The following KIF1A variants were observed in gnomAD, a reference collection of about 807,000 sequenced individuals.
KIF1A encodes kinesin family member 1A.
In KIF1A, 46 loss-of-function variants were observed where a neutral mutation model predicts 227.3. The observed-to-expected ratio is 0.20, with a 90% CI of 0.16 to 0.26. The LOEUF is 0.26. Ranked by LOEUF, KIF1A falls within the 10% of genes least tolerant of loss-of-function variation. The pLI is 1.00. For synonymous variants in KIF1A, 1,022 were observed against 1,012.8 expected, an observed-to-expected ratio of 1.01 and a Z score of -0.17; for missense variants, 1,683 against 2,485.9, an observed-to-expected ratio of 0.68 and a Z score of 6.87.
Position 240,792,682 on chromosome 2 carries a change from C to T in KIF1A, c.107-3370G>A, listed in dbSNP as rs1034903428. On this transcript the variant is annotated intron_variant, in intron 2 of 48. Coordinates refer to ENST00000498729, the MANE Select transcript of KIF1A (RefSeq NM_001244008.2). This position sits in a 1 kb window ranked among gnomAD's most constrained non-coding sequence, Gnocchi z 4.5. ...CTTCCCAACGGAGCCTGCTGTGGGC[C>T]GAGCGTGTCCCCAGATTCATATGCA... 2.0e-5 allele frequency among the ~76,000 whole-genome samples: 3 copies of T among 152,164 alleles called. No homozygotes were observed. The highest frequency in any genetic ancestry group is 2.9e-5 in the Non-Finnish European group (2 of 68,030).
At position 240,758,128 on chromosome 2, in the gene KIF1A, G is replaced by A. The variant is rs1414243076; in HGVS notation, c.2582+232C>T. Among the ~76,000 whole-genome samples, 2 of 152,224 alleles carry A rather than the reference G, an allele frequency of 1.3e-5. No individual in the cohort carries two copies. The highest frequency in any genetic ancestry group is 4.8e-5 in the African/African-American group (2 of 41,474). ...CGGCTACAGCCCTGCAGTGGGTTTGGGTGGCAGTGCCAAGACCCCATCCCA... is the reference window on the plus strand; with the variant it reads ...CGGCTACAGCCCTGCAGTGGGTTTGAGTGGCAGTGCCAAGACCCCATCCCA... On this transcript the variant is annotated intron_variant, in intron 26 of 48. Transcript: ENST00000498729. The surrounding 1 kb of genome is among the most constrained non-coding windows in gnomAD (Gnocchi z 5.2).
intron 7 of KIF1A, among the ~76,000 whole-genome samples, chr2:240,784,021 G>A (rs759941828): frequency 3.7e-4 from 56 of 152,198 alleles, no homozygotes; most frequent in Non-Finnish European, 6.6e-4. Flanking sequence ...GGCCCTGCCC[G>A]AGTTGAGTGC....
intron 23 of KIF1A, among the ~76,000 whole-genome samples, chr2:240,761,758 G>A (rs956974659): frequency 1.3e-5 from 2 of 152,230 alleles, no homozygotes; most frequent in African/African-American, 4.8e-5. Context: ...CCCCAAAGGA[G>A]AGGCCGCCAC....
intron 14 of KIF1A, among the ~76,000 whole-genome samples, chr2:240,771,799 C>A (rs1323182882): frequency 6.6e-6 from 1 of 152,244 alleles, no homozygotes; most frequent in Non-Finnish European, 1.5e-5. Flanking sequence ...AGGCCCTTCC[C>A]CTCCACCACG....
chr2:240,746,328 G>A (rs1474020517), intron 29 of KIF1A, among the ~76,000 whole-genome samples, 151 bp from the exon 30 acceptor site: 2 of 152,196 alleles, frequency 1.3e-5, no homozygotes, highest in Non-Finnish European at 2.9e-5. Flanking sequence ...TGCCTGCCTT[G>A]TAGGGGGGCA....
Position 240,789,712 on chromosome 2 carries a change from C to T in KIF1A, c.107-400G>A, listed in dbSNP as rs890098185. Among the ~76,000 whole-genome samples the T allele has an allele frequency of 6.6e-5, 10 of 152,194 alleles. No individual in the cohort carries two copies. The highest frequency in any genetic ancestry group is 1.2e-4 in the Non-Finnish European group (8 of 68,032). ...GCCCCCTGCTCAGGCCTTTATGCTC[C>T]GGCTCAGCGTGCACGTGCCCGAGAA... On this transcript the variant is annotated intron_variant, in intron 2 of 48. Transcript: ENST00000498729. The surrounding 1 kb of genome is among the most constrained non-coding windows in gnomAD (Gnocchi z 4.8).
Position 240,721,839 on chromosome 2 carries a change from T to C in KIF1A, c.4711A>G (p.Ser1571Gly). ...TCGCTGGCACTGACGCAGACGTGGC[T>C]GTGTGTGTACTCTCTGTTGAATGTG... ...THTFNREYTHSHVCVSASESK... is the reference protein window; with the variant it reads ...THTFNREYTHGHVCVSASESK... The change falls in exon 44 of 49, where the codon AGC (serine) becomes GGC (glycine). Residue 1571 changes from serine (S) to glycine (G), a missense_variant. By Grantham distance (56) the Ser-to-Gly change is moderately conservative. Around this residue, in one of 12 missense-constraint regions of KIF1A, gnomAD observed 384 missense variants for 410.1 expected, o/e 0.94. Coordinates refer to ENST00000498729, the MANE Select transcript of KIF1A (RefSeq NM_001244008.2). 6.2e-7 allele frequency: 1 copy of C among 1,607,520 alleles called. No homozygotes were observed. The highest frequency in any genetic ancestry group is 8.5e-7 in the Non-Finnish European group (1 of 1,179,404).
chr2:240,772,025 G>A (rs1372669442), intron 14 of KIF1A, among the ~76,000 whole-genome samples: 3 of 152,240 alleles, frequency 2.0e-5, no homozygotes, highest in African/African-American at 4.8e-5. Context: ...CCAGACCCGA[G>A]GCCAGGAGGC....
At position 240,766,749 on chromosome 2, in the gene KIF1A, T is replaced by TCTCTCTCTCTCTCTCTCACA. The variant is rs1454271542; in HGVS notation, c.1684+165_1684+166insTGTGAGAGAGAGAGAGAGAG. Among the ~76,000 whole-genome samples the TCTCTCTCTCTCTCTCTCACA allele has an allele frequency of 9.2e-6, 1 of 108,974 alleles. No individual in the cohort carries two copies. The highest frequency in any genetic ancestry group is 9.2e-5 in the Admixed American group (1 of 10,896). 71.5% of individuals were successfully genotyped at this position (108,974 alleles called of 152,430 possible). On this transcript the variant is annotated intron_variant, in intron 19 of 48. Transcript: ENST00000498729. The surrounding 1 kb of genome is among the most constrained non-coding windows in gnomAD (Gnocchi z 5.0). Reference sequence around the variant, plus strand: ...CTCTCTCTCTCTCTCTCTCTCTCTCTCACACACACACACACACACACACAC... The same window carrying TCTCTCTCTCTCTCTCTCACA: ...CTCTCTCTCTCTCTCTCTCTCTCTCTCTCTCTCTCTCTCTCTCACACACACACACACACACACACACACAC...
At chr2:240,719,342 C>G in intron 46 of KIF1A, 144 bp from the exon 47 acceptor site, 1 of 859,018 alleles carries the variant, frequency 1.2e-6, no homozygotes, top group South Asian at 1.9e-5. Flanking sequence ...TCGAAGGGCA[C>G]CTGGCAGAAC....
At position 240,722,449 on chromosome 2, in the gene KIF1A, G is replaced by A. The variant is rs1301694151; in HGVS notation, c.4665+7C>T. 10 of 1,545,644 alleles carry A rather than the reference G, an allele frequency of 6.5e-6. No individual in the cohort carries two copies. On this transcript the variant is annotated splice_region_variant and intron_variant, in intron 43 of 48. Transcript: ENST00000498729. Reference sequence around the variant, plus strand: ...CTACGGCTGTACTGCCCACCAGCTGGACCCACCTTGACGGCCAGCTCCCGC... The same window carrying A: ...CTACGGCTGTACTGCCCACCAGCTGAACCCACCTTGACGGCCAGCTCCCGC...
intron 1 of KIF1A, among the ~76,000 whole-genome samples, chr2:240,800,304 T>C (rs1226509894): frequency 6.6e-6 from 1 of 152,134 alleles, no homozygotes; most frequent in African/African-American, 2.4e-5. Context: ...CTCTGGGGTA[T>C]GGAATATGCA....
rs1559522566 is a variant in KIF1A, at chr2:240,780,834, ACACACACACAGCTC to A, written c.882+1742_882+1755del. On this transcript the variant is annotated intron_variant, in intron 10 of 48. Transcript: ENST00000498729. ...CACACACACACACACACAGCTCCAC[ACACACACACAGCTC>A]CACACACACACACACAGCTCCACAC... Among the ~76,000 whole-genome samples, 71 of 112,954 alleles carry A rather than the reference ACACACACACAGCTC, an allele frequency of 6.3e-4. 2 individuals carry two copies. The highest frequency in any genetic ancestry group is 1.3e-3 in the African/African-American group (28 of 21,338). 74.1% of individuals were successfully genotyped at this position (112,954 alleles called of 152,430 possible).
chr2:240,747,064 C>G lies in KIF1A; in HGVS notation c.3063+172G>C, dbSNP rs374994229. On this transcript the variant is annotated intron_variant, in intron 29 of 48. Coordinates refer to ENST00000498729, the MANE Select transcript of KIF1A (RefSeq NM_001244008.2). Reference sequence around the variant, plus strand: ...GTCAGGGCAAACCCGGGAAAAGGGGCGCAGTGTGCTTAGAGATGGGGCAGG... The same window carrying G: ...GTCAGGGCAAACCCGGGAAAAGGGGGGCAGTGTGCTTAGAGATGGGGCAGG... 2.2e-3 allele frequency among the ~76,000 whole-genome samples: 329 copies of G among 152,188 alleles called. 1 individual carries two copies. Among genetic ancestry groups the G allele is most frequent in the African/African-American group, 7.6e-3 (316 of 41,508 alleles).
intron 1 of KIF1A, among the ~76,000 whole-genome samples, chr2:240,811,984 G>A (rs142489347): frequency 4.2e-4 from 64 of 152,224 alleles, no homozygotes; most frequent in Non-Finnish European, 6.0e-4. Context: ...ATGGCCAGCC[G>A]GCTGTGATGA....
At chr2:240,728,372 A>G (rs1280713029) in intron 38 of KIF1A, 1 of 1,297,900 alleles carries the variant, frequency 7.7e-7, no homozygotes, top group Non-Finnish European at 1.0e-6. Context: ...AGGGCGGAAG[A>G]GAAAAGTGAG....
In KIF1A at chr2:240,775,964, A is replaced by G. The variant is rs1396963836; in HGVS notation, c.883-38T>C. 3 of 1,428,692 alleles carry G rather than the reference A, an allele frequency of 2.1e-6. No individual in the cohort carries two copies. The highest frequency in any genetic ancestry group is 2.8e-5 in the African/African-American group (2 of 71,250). 88.5% of individuals were successfully genotyped at this position (1,428,692 alleles called of 1,614,324 possible). ...AACATTCAAGGTCAAGCCCGAGCCC[A>G]CTGCAGAGGAAGCGAAAGGGAGGGG... On this transcript the variant is annotated intron_variant, in intron 10 of 48. Coordinates refer to ENST00000498729, the MANE Select transcript of KIF1A (RefSeq NM_001244008.2). This position sits in a 1 kb window ranked among gnomAD's most constrained non-coding sequence, Gnocchi z 5.5.
chr2:240,741,667 A>C (rs2047988068), intron 34 of KIF1A, among the ~76,000 whole-genome samples: 1 of 152,248 alleles, frequency 6.6e-6, no homozygotes, highest in African/African-American at 2.4e-5. Context: ...ACAGTGGTCA[A>C]GACCCCAAGA....
At chr2:240,787,743 A>T (rs185004191) in intron 4 of KIF1A, among the ~76,000 whole-genome samples, 3 of 152,244 alleles carry the variant, frequency 2.0e-5, no homozygotes, top group African/African-American at 7.2e-5. Flanking sequence ...CCACACTGCC[A>T]GCCCTCACAC....
Sources: allele counts gnomAD v4.1 joint callset (sites outside exome capture counted in the v4.1 genomes callset), GRCh38; gene constraint gnomAD v4.1.1; regional missense constraint gnomAD v4.1.1; non-coding constraint Gnocchi (gnomAD v3.1); transcripts MANE v1.5; gene names NCBI Gene and HGNC (gene_info 2026-07-23, HGNC 2026-07-21).